Variants in DLG2 observed in about 807,000 individuals in gnomAD.
The protein encoded by DLG2 is discs large MAGUK scaffold protein 2.
A neutral mutation model predicts 132.5 loss-of-function variants in DLG2; 45 were observed. The observed-to-expected ratio is 0.34, with a 90% CI of 0.27 to 0.44. DLG2 has a LOEUF of 0.44. Among genes scored for constraint, DLG2 ranks in the 20% least tolerant of loss-of-function variants. DLG2 has a pLI of 1.00. For missense variants in DLG2, 1,045 were observed against 1,196.9 expected (o/e 0.87, Z 1.87); for synonymous variants, 424 against 419.6 (o/e 1.01, Z -0.13).
chr11:85,472,176 T>A (rs758711971), intron 3 of DLG2, among the ~76,000 whole-genome samples: 13 of 152,158 alleles, frequency 8.5e-5, no homozygotes, highest in South Asian at 4.1e-4. Context: ...GTGCTGCCCA[T>A]GGACCAATTG....
intron 6 of DLG2, among the ~76,000 whole-genome samples, chr11:84,543,144 T>G (rs965695776): frequency 2.0e-5 from 3 of 152,232 alleles, no homozygotes; most frequent in African/African-American, 7.2e-5. Flanking sequence ...TATTCATTTC[T>G]TTAATTTGAA....
chr11:85,063,725 T>C (rs982872302), intron 6 of DLG2, among the ~76,000 whole-genome samples: 3 of 151,806 alleles, frequency 2.0e-5, no homozygotes, highest in African/African-American at 7.2e-5. Context: ...ATCTAGGCTG[T>C]AAAATGGAAA....
chr11:84,098,649 T>C (rs930355619), intron 10 of DLG2, among the ~76,000 whole-genome samples: 1 of 152,178 alleles, frequency 6.6e-6, no homozygotes, highest in Non-Finnish European at 1.5e-5. Flanking sequence ...CCAACTAGAC[T>C]GAAGGCCTCA....
chr11:84,973,863 T>G (rs77664592), intron 6 of DLG2, among the ~76,000 whole-genome samples: 1 of 152,212 alleles, frequency 6.6e-6, no homozygotes, highest in Non-Finnish European at 1.5e-5. Flanking sequence ...TTGAATTATG[T>G]ATAATTTTCA....
At chr11:84,808,943 T>G (rs2076276325) in intron 6 of DLG2, among the ~76,000 whole-genome samples, 1 of 151,968 alleles carries the variant, frequency 6.6e-6, no homozygotes, top group Admixed American at 6.6e-5. Context: ...AGAGAACACA[T>G]TCCTATTCCT....
At chr11:83,695,293 C>G (rs148613890) in intron 18 of DLG2, among the ~76,000 whole-genome samples, 6 of 152,142 alleles carry the variant, frequency 3.9e-5, no homozygotes, top group Admixed American at 1.3e-4. Context: ...GCCCTTAAGA[C>G]GTTCACAGAA....
chr11:84,087,556 G>T (rs2154165463), intron 10 of DLG2, among the ~76,000 whole-genome samples: 2 of 152,244 alleles, frequency 1.3e-5, no homozygotes, highest in South Asian at 4.1e-4. Flanking sequence ...TACTTTATAT[G>T]GCACAAAAGA....
At position 83,859,861 on chromosome 11, in the gene DLG2, G is replaced by A. The variant is rs766403766; in HGVS notation, c.1565+14559C>T. On this transcript the variant is annotated intron_variant, in intron 16 of 27. Transcript: ENST00000376104. The stretch of plus-strand genomic sequence containing the variant: ...CAGGCCCAGGGTCCCTCTTCCGTGT[G>A]CAGTCTAGGGACTTCTTGCCCTGCA... Among the ~76,000 whole-genome samples, 3 of 152,132 alleles carry A rather than the reference G, an allele frequency of 2.0e-5. No individual in the cohort carries two copies. The South Asian group carries it at 6.2e-4, about 31-fold the overall frequency.
At chr11:83,472,021 C>T (rs1227015048) in intron 23 of DLG2, among the ~76,000 whole-genome samples, 1 of 151,984 alleles carries the variant, frequency 6.6e-6, no homozygotes, top group Non-Finnish European at 1.5e-5. Flanking sequence ...TACATAATGT[C>T]AAAACAACTG....
chr11:83,783,427 T>C (rs953849674), intron 18 of DLG2, among the ~76,000 whole-genome samples: 3 of 152,238 alleles, frequency 2.0e-5, no homozygotes, highest in Non-Finnish European at 4.4e-5. Flanking sequence ...AGGAACACAG[T>C]TGGAAATTGT....
At position 84,960,391 on chromosome 11, in the gene DLG2, A is replaced by C. The variant is rs181260969; in HGVS notation, c.357+151270T>G. 3.7e-3 allele frequency among the ~76,000 whole-genome samples: 569 copies of C among 152,274 alleles called. 3 individuals carry two copies. The highest frequency in any genetic ancestry group is 0.012 in the African/African-American group (516 of 41,546). ...TAAATTCCAACTCCTCTTATATTTG[A>C]ATATAATTCTCTCACTTATTTCTAT... On this transcript the variant is annotated intron_variant, in intron 6 of 27. Coordinates refer to ENST00000376104, the MANE Select transcript of DLG2 (RefSeq NM_001142699.3).
At chr11:84,942,540 CTCT>C (rs1239069695) in intron 6 of DLG2, among the ~76,000 whole-genome samples, 3 of 152,002 alleles carry the variant, frequency 2.0e-5, no homozygotes, top group African/African-American at 7.2e-5. Context: ...CCCAAAGTTC[CTCT>C]TATTATTGAT....
intron 15 of DLG2, among the ~76,000 whole-genome samples, chr11:83,927,785 A>C (rs1329603215): frequency 6.6e-6 from 1 of 152,218 alleles, no homozygotes; most frequent in East Asian, 1.9e-4. Flanking sequence ...TATAGGTGGG[A>C]GATGATGGGG....
At chr11:84,847,802 C>G (rs2081665912) in intron 6 of DLG2, among the ~76,000 whole-genome samples, 1 of 152,096 alleles carries the variant, frequency 6.6e-6, no homozygotes, top group Non-Finnish European at 1.5e-5. Context: ...ATTCTAATCC[C>G]AAGGTAGAAG....
chr11:85,101,283 C>A (rs117957297), intron 6 of DLG2, among the ~76,000 whole-genome samples: 1 of 151,884 alleles, frequency 6.6e-6, no homozygotes, highest in East Asian at 1.9e-4. Context: ...CATGATTATA[C>A]GAGATATATC....
At chr11:85,300,862 C>T (rs934342530) in intron 3 of DLG2, among the ~76,000 whole-genome samples, 9 of 151,834 alleles carry the variant, frequency 5.9e-5, no homozygotes, top group African/African-American at 1.7e-4. Context: ...AGATGGAGAA[C>T]GTGCAAGAAC....
chr11:85,130,050 C>A (rs2075544629), intron 5 of DLG2, among the ~76,000 whole-genome samples: 2 of 151,648 alleles, frequency 1.3e-5, no homozygotes, highest in South Asian at 2.1e-4. Flanking sequence ...ACACCGGGGC[C>A]TTTTGAGGGG....
At chr11:84,579,873 T>C (rs1327637156) in intron 6 of DLG2, among the ~76,000 whole-genome samples, 2 of 152,212 alleles carry the variant, frequency 1.3e-5, no homozygotes, top group African/African-American at 4.8e-5. Context: ...TACTTGACAG[T>C]ACTTGGTGGC....
At chr11:83,509,603 G>A (rs186454798) in intron 21 of DLG2, among the ~76,000 whole-genome samples, 2 of 152,144 alleles carry the variant, frequency 1.3e-5, no homozygotes, top group East Asian at 1.9e-4. Context: ...CATTTCTTTT[G>A]TCTAAGTCAA....
Sources: gnomAD v4.1 joint callset for allele counts (sites outside exome capture counted in the v4.1 genomes callset) on GRCh38, gnomAD v4.1.1 for gene constraint, MANE v1.5 for transcripts, NCBI Gene and HGNC (gene_info 2026-07-23, HGNC 2026-07-21) for gene names.